FHIT: variants seen among roughly 807,000 people sequenced by gnomAD.
The protein encoded by FHIT is fragile histidine triad diadenosine triphosphatase.
Under a neutral mutation model 17.9 loss-of-function variants are expected in FHIT, and 19 were observed. That is an observed-to-expected ratio of 1.06 (90% CI 0.74 to 1.56). The LOEUF (loss-of-function observed/expected upper bound fraction) is 1.56. Ranked by LOEUF, FHIT falls within the 40% of genes most tolerant of loss-of-function variation. The probability of loss-of-function intolerance (pLI) is 0.00; values close to 1 mark genes in which losing one functional copy is unlikely to be tolerated. For missense variants in FHIT, 248 were observed against 189.2 expected, an observed-to-expected ratio of 1.31 and a Z score of -1.82; for synonymous variants, 81 against 69.7, an observed-to-expected ratio of 1.16 and a Z score of -0.81.
At chr3:59,861,097 A>G (rs1702384217) in intron 8 of FHIT, among the ~76,000 whole-genome samples, 1 of 152,068 alleles carries the variant, frequency 6.6e-6, no homozygotes, top group African/African-American at 2.4e-5. Flanking sequence ...GGATGAGAAG[A>G]ATGGACTCTT....
intron 4 of FHIT, among the ~76,000 whole-genome samples, chr3:60,810,792 T>G (rs1405746651): frequency 3.9e-5 from 6 of 152,350 alleles, no homozygotes; most frequent in African/African-American, 1.4e-4. Flanking sequence ...GAGCCATGAA[T>G]CCACTGGTGA....
At chr3:60,744,262 AC>A (rs1461949164) in intron 4 of FHIT, among the ~76,000 whole-genome samples, 842 of 80,624 alleles carry the variant, frequency 0.01, 7 homozygotes, top group Middle Eastern at 0.023. Context: ...AAAAAACAAA[AC>A]AAAACAAAAA....
chr3:60,071,912 C>T (rs1373084124), intron 5 of FHIT, among the ~76,000 whole-genome samples: 1 of 152,170 alleles, frequency 6.6e-6, no homozygotes, highest in Non-Finnish European at 1.5e-5. Flanking sequence ...AGCCCTCTTG[C>T]CTGCCACCAT....
chr3:60,537,322 A>G (rs1439824976), intron 4 of FHIT: 1 of 240,054 alleles, frequency 4.2e-6, no homozygotes, highest in African/African-American at 2.3e-5. Context: ...ATTTTTACCC[A>G]TCTATTTTGT....
chr3:59,984,300 G>C (rs7629735), intron 7 of FHIT, among the ~76,000 whole-genome samples: 14,636 of 152,074 alleles, frequency 0.096, 952 homozygotes, highest in South Asian at 0.19. Context: ...ACCATTAGGG[G>C]AGAAGTGGAA....
chr3:59,838,506 C>G (rs1424965193), intron 8 of FHIT, among the ~76,000 whole-genome samples: 2 of 152,196 alleles, frequency 1.3e-5, no homozygotes, highest in African/African-American at 4.8e-5. Context: ...GAACCCATCT[C>G]AGCTTGTGTC....
intron 2 of FHIT, among the ~76,000 whole-genome samples, chr3:61,100,509 T>C (rs6797125): frequency 0.78 from 118,606 of 152,144 alleles, 47,188 homozygotes; most frequent in African/African-American, 0.84. Context: ...TGAATAGTGC[T>C]GCAATACACA....
intron 4 of FHIT, chr3:60,730,150 A>G: frequency 2.2e-6 from 1 of 454,682 alleles, no homozygotes; most frequent in Non-Finnish European, 4.4e-6. Flanking sequence ...CCGAAGGACC[A>G]CTGGGCTGTT....
chr3:60,380,092 A>C (rs1700735246), intron 5 of FHIT, among the ~76,000 whole-genome samples: 1 of 152,210 alleles, frequency 6.6e-6, no homozygotes, highest in African/African-American at 2.4e-5. Context: ...GTGCTGATAT[A>C]GTTTGGATGT....
At chr3:61,129,282 G>A (rs1460154845) in intron 2 of FHIT, among the ~76,000 whole-genome samples, 1 of 152,144 alleles carries the variant, frequency 6.6e-6, no homozygotes, top group Non-Finnish European at 1.5e-5. Context: ...CATCCTAATT[G>A]TCGACATGAG....
At chr3:60,178,970 C>T (rs987327111) in intron 5 of FHIT, among the ~76,000 whole-genome samples, 1 of 152,028 alleles carries the variant, frequency 6.6e-6, no homozygotes, top group African/African-American at 2.4e-5. Flanking sequence ...ATATTCAGAG[C>T]CCTATAAAAT....
At chr3:60,565,155 AATG>A (rs1283973260) in intron 4 of FHIT, among the ~76,000 whole-genome samples, 1 of 152,212 alleles carries the variant, frequency 6.6e-6, no homozygotes, top group Non-Finnish European at 1.5e-5. Flanking sequence ...TTTTAGGAAT[AATG>A]ATATTGCATA....
At chr3:60,168,224 ACCGACAGACTTCATCCCT>A (rs1328081748) in intron 5 of FHIT, among the ~76,000 whole-genome samples, 1 of 152,178 alleles carries the variant, frequency 6.6e-6, no homozygotes, top group Non-Finnish European at 1.5e-5. Flanking sequence ...GAAACAAGAG[ACCGACAGACTTCATCCCT>A]CCAGAGAGAT....
At chr3:60,762,292 G>A (rs748966809) in intron 4 of FHIT, among the ~76,000 whole-genome samples, 13 of 152,036 alleles carry the variant, frequency 8.6e-5, no homozygotes, top group Admixed American at 2.6e-4. Context: ...AAAAGATATC[G>A]GTTGATCAAT....
intron 8 of FHIT, among the ~76,000 whole-genome samples, chr3:59,753,847 T>C (rs1176667781): frequency 2.0e-5 from 3 of 152,084 alleles, no homozygotes; most frequent in South Asian, 2.1e-4. Context: ...GCCAGTATTA[T>C]CCCCAACAAC....
At chr3:60,226,696 G>T (rs544423868) in intron 5 of FHIT, among the ~76,000 whole-genome samples, 2 of 152,094 alleles carry the variant, frequency 1.3e-5, no homozygotes, top group East Asian at 3.9e-4. Flanking sequence ...GAAGGAGGGA[G>T]AATCAGGAAG....
intron 5 of FHIT, among the ~76,000 whole-genome samples, chr3:60,258,236 A>G (rs571977121): frequency 6.6e-6 from 1 of 152,212 alleles, no homozygotes; most frequent in Non-Finnish European, 1.5e-5. Context: ...ACATCCCATG[A>G]AACACTCTGT....
intron 5 of FHIT, among the ~76,000 whole-genome samples, chr3:60,097,660 TTTTC>T (rs1352422263): frequency 1.3e-5 from 2 of 152,202 alleles, no homozygotes; most frequent in South Asian, 4.2e-4. Flanking sequence ...CTCTTTCTGA[TTTTC>T]TTTTTTTAAT....
At chr3:60,154,306 T>C (rs1700589562) in intron 5 of FHIT, among the ~76,000 whole-genome samples, 1 of 152,212 alleles carries the variant, frequency 6.6e-6, no homozygotes, top group African/African-American at 2.4e-5. Context: ...TCCATATTAT[T>C]TTCCTTAGTA....
Sources: allele counts gnomAD v4.1 joint callset (sites outside exome capture counted in the v4.1 genomes callset), GRCh38; gene constraint gnomAD v4.1.1; transcripts MANE v1.5; gene names NCBI Gene and HGNC (gene_info 2026-07-23, HGNC 2026-07-21).